MARCHF1: variants seen among roughly 807,000 people sequenced by gnomAD.
MARCHF1 encodes the protein E3 ubiquitin-protein ligase MARCHF1.
MARCHF1 carries 40 observed loss-of-function variants against 54.2 expected under a neutral mutation model. The observed-to-expected ratio is 0.74, with a 90% CI of 0.57 to 0.96. MARCHF1 has a LOEUF of 0.96. Ranked by LOEUF, MARCHF1 falls within the 40% of genes least tolerant of loss-of-function variation. The pLI is 0.00. For synonymous variants in MARCHF1, 236 were observed against 236.3 expected (o/e 1.00, Z 0.01); for missense variants, 586 against 656.5 (o/e 0.89, Z 1.17).
intron 5 of MARCHF1, among the ~76,000 whole-genome samples, chr4:163,671,038 C>A (rs1743719079): frequency 6.6e-6 from 1 of 152,192 alleles, no homozygotes; most frequent in Non-Finnish European, 1.5e-5. Context: ...GCTGCTTCAG[C>A]CCTTTCCCTT....
At chr4:164,266,589 T>A (rs1425196604) in intron 1 of MARCHF1, among the ~76,000 whole-genome samples, 1 of 152,192 alleles carries the variant, frequency 6.6e-6, no homozygotes, top group African/African-American at 2.4e-5. Flanking sequence ...CCTAGCCCTG[T>A]GATTTTTCAG....
At chr4:163,713,776 G>A (rs544289676) in intron 4 of MARCHF1, among the ~76,000 whole-genome samples, 1 of 152,154 alleles carries the variant, frequency 6.6e-6, no homozygotes, top group Non-Finnish European at 1.5e-5. Flanking sequence ...CCCCAGTAAG[G>A]ATAAGGACAC....
chr4:163,977,433 C>G (rs1313144195), intron 3 of MARCHF1, among the ~76,000 whole-genome samples: 1 of 152,172 alleles, frequency 6.6e-6, no homozygotes, highest in Admixed American at 6.5e-5. Context: ...TCTTAGCCAT[C>G]ACCTAAGTGT....
At chr4:163,743,033 A>C (rs1469988410) in intron 4 of MARCHF1, among the ~76,000 whole-genome samples, 1 of 152,252 alleles carries the variant, frequency 6.6e-6, no homozygotes, top group African/African-American at 2.4e-5. Context: ...TACAGCTTTA[A>C]GCACTTGTTT....
intron 8 of MARCHF1, among the ~76,000 whole-genome samples, chr4:163,553,245 G>T (rs1579056751): frequency 1.3e-5 from 2 of 152,132 alleles, no homozygotes; most frequent in South Asian, 2.1e-4. Flanking sequence ...CACTTAAAAA[G>T]AATTCAATAA....
intron 2 of MARCHF1, among the ~76,000 whole-genome samples, chr4:163,997,500 C>T (rs1343779238): frequency 6.6e-6 from 1 of 151,934 alleles, no homozygotes; most frequent in African/African-American, 2.4e-5. Flanking sequence ...GGGAGATATA[C>T]AACTACTTAC....
At chr4:163,536,545 C>A (rs993927652) in intron 9 of MARCHF1, among the ~76,000 whole-genome samples, 2 of 152,094 alleles carry the variant, frequency 1.3e-5, no homozygotes, top group African/African-American at 4.8e-5. Flanking sequence ...ATAATCTTGA[C>A]GAGCACAGAA....
At chr4:164,234,143 A>T (rs1300027088) in intron 1 of MARCHF1, among the ~76,000 whole-genome samples, 1 of 152,138 alleles carries the variant, frequency 6.6e-6, no homozygotes. Context: ...ATTGCTACCT[A>T]TCTAAAATTA....
At chr4:163,835,865 A>G (rs1313516591) in intron 4 of MARCHF1, among the ~76,000 whole-genome samples, 2 of 28,196 alleles carry the variant, frequency 7.1e-5, no homozygotes, top group Non-Finnish European at 1.6e-4. Context: ...ATAATTAGAA[A>G]TAGATTGTTT....
At chr4:164,043,336 T>C (rs1217792237) in intron 2 of MARCHF1, among the ~76,000 whole-genome samples, 1 of 152,172 alleles carries the variant, frequency 6.6e-6, no homozygotes. Flanking sequence ...AACTTTTGCC[T>C]TATATGCACT....
chr4:163,780,713 G>A (rs1747440222), intron 4 of MARCHF1, among the ~76,000 whole-genome samples: 1 of 152,220 alleles, frequency 6.6e-6, no homozygotes, highest in Non-Finnish European at 1.5e-5. Flanking sequence ...TGGCCAGTGA[G>A]TGAACTGTTG....
At chr4:164,081,233 A>C (rs1343960387) in intron 2 of MARCHF1, among the ~76,000 whole-genome samples, 2 of 144,896 alleles carry the variant, frequency 1.4e-5, no homozygotes, top group African/African-American at 5.3e-5. Context: ...AAAAAAAAAA[A>C]AAAAGAAATA....
At chr4:164,068,546 C>T (rs534735929) in intron 2 of MARCHF1, among the ~76,000 whole-genome samples, 1 of 152,212 alleles carries the variant, frequency 6.6e-6, no homozygotes. Flanking sequence ...CCTGGGCCAG[C>T]AGCTGCTGTG....
At chr4:164,092,201 C>T (rs1017902301) in intron 2 of MARCHF1, among the ~76,000 whole-genome samples, 2 of 152,060 alleles carry the variant, frequency 1.3e-5, no homozygotes, top group African/African-American at 4.8e-5. Flanking sequence ...AGGCTGTTTA[C>T]CTTAAGTCCC....
At chr4:163,608,226 A>G (rs1437743881) in intron 7 of MARCHF1, among the ~76,000 whole-genome samples, 2 of 152,080 alleles carry the variant, frequency 1.3e-5, no homozygotes, top group African/African-American at 4.8e-5. Flanking sequence ...GTTGGTTAGG[A>G]GGTTAGGAAG....
intron 2 of MARCHF1, among the ~76,000 whole-genome samples, chr4:163,999,107 A>G (rs1412965770): frequency 6.6e-6 from 1 of 151,646 alleles, no homozygotes; most frequent in Admixed American, 6.6e-5. Context: ...CTTCTCCAAC[A>G]TGTATATTCC....
chr4:163,945,977 T>A (rs28463033), intron 3 of MARCHF1, among the ~76,000 whole-genome samples: 16,794 of 146,830 alleles, frequency 0.11, 2,017 homozygotes, highest in East Asian at 0.38. Flanking sequence ...AAACCCAGCT[T>A]CTCAACCTGT....
chr4:163,792,510 T>C (rs1196365280), intron 4 of MARCHF1, among the ~76,000 whole-genome samples: 2 of 152,050 alleles, frequency 1.3e-5, no homozygotes, highest in African/African-American at 2.4e-5. Flanking sequence ...ATCTGTAAAT[T>C]TGAATTATAT....
At chr4:163,736,888 T>A (rs573787881) in intron 4 of MARCHF1, among the ~76,000 whole-genome samples, 3 of 152,344 alleles carry the variant, frequency 2.0e-5, no homozygotes, top group Admixed American at 6.5e-5. Flanking sequence ...TCATACTTTT[T>A]AAATTCCATA....
Sources: allele counts gnomAD v4.1 joint callset (sites outside exome capture counted in the v4.1 genomes callset), GRCh38; gene constraint gnomAD v4.1.1; transcripts MANE v1.5; gene names NCBI Gene and HGNC (gene_info 2026-07-23, HGNC 2026-07-21).